LINGO2: variants seen among roughly 807,000 people sequenced by gnomAD.
LINGO2 encodes leucine rich repeat and Ig domain containing 2.
LINGO2 carries 14 observed loss-of-function variants against 30.6 expected under a neutral mutation model. That is an observed-to-expected ratio of 0.46 (90% CI 0.30 to 0.72). The LOEUF is 0.72. Ranked by LOEUF, LINGO2 falls within the 30% of genes least tolerant of loss-of-function variation. The pLI is 0.07. For synonymous variants in LINGO2, 317 were observed against 288.5 expected (o/e 1.10, Z -1.00); for missense variants, 729 against 751.7 (o/e 0.97, Z 0.35).
chr9:28,405,549 A>G (rs1299765890), intron 2 of LINGO2, among the ~76,000 whole-genome samples: 1 of 152,174 alleles, frequency 6.6e-6, no homozygotes, highest in Non-Finnish European at 1.5e-5. Context: ...ATTTACCTCT[A>G]TCACTATTAG....
At chr9:28,922,290 A>G in the LINGO2 span, among the ~76,000 whole-genome samples, 1 of 152,200 alleles carries the variant, frequency 6.6e-6, no homozygotes, top group Non-Finnish European at 1.5e-5. Context: ...CACTTGTGAC[A>G]GAAAGAATTC....
the LINGO2 span, among the ~76,000 whole-genome samples, chr9:28,848,310 GCATATATAGTGTATATATATA>G: frequency 3.8e-5 from 4 of 105,974 alleles, no homozygotes; most frequent in South Asian, 3.0e-4. Flanking sequence ...CTATATATAC[GCATATATAGTGTATATATATA>G]CATATATAGT....
intron 4 of LINGO2, among the ~76,000 whole-genome samples, chr9:28,098,426 A>G (rs1207920972): frequency 1.3e-5 from 2 of 152,182 alleles, no homozygotes; most frequent in Non-Finnish European, 2.9e-5. Context: ...ATAACATGTC[A>G]TATTTCTTTG....
chr9:29,148,745 C>T, the LINGO2 span, among the ~76,000 whole-genome samples: 1 of 152,022 alleles, frequency 6.6e-6, no homozygotes, highest in Admixed American at 6.6e-5. Flanking sequence ...TTGGTTAAAC[C>T]TATTTTTTAT....
chr9:28,694,208 A>G, the LINGO2 span, among the ~76,000 whole-genome samples: 4 of 151,950 alleles, frequency 2.6e-5, no homozygotes, highest in African/African-American at 9.7e-5. Context: ...AGTAGAAATT[A>G]TGATCCCAGT....
At chr9:28,544,590 T>C (rs902160941) in intron 1 of LINGO2, among the ~76,000 whole-genome samples, 74 of 152,120 alleles carry the variant, frequency 4.9e-4, no homozygotes, top group Admixed American at 2.6e-4. Context: ...TTCCCACCCA[T>C]GTTAGTATCT....
intron 4 of LINGO2, among the ~76,000 whole-genome samples, chr9:28,043,610 CAAA>C (rs1345104748): frequency 1.3e-5 from 2 of 152,152 alleles, no homozygotes; most frequent in African/African-American, 2.4e-5. Context: ...TGGAAAGTTT[CAAA>C]CATATACAAA....
chr9:28,867,397 T>C, the LINGO2 span, among the ~76,000 whole-genome samples: 2 of 151,254 alleles, frequency 1.3e-5, no homozygotes, highest in Non-Finnish European at 2.9e-5. Flanking sequence ...AGTCAGGGTA[T>C]AAAAGCAAGT....
intron 4 of LINGO2, among the ~76,000 whole-genome samples, chr9:28,051,673 A>T (rs1824680977): frequency 6.6e-6 from 1 of 152,096 alleles, no homozygotes; most frequent in African/African-American, 2.4e-5. Context: ...CCTAGGATTA[A>T]GCTAGATTCC....
intron 1 of LINGO2, among the ~76,000 whole-genome samples, chr9:28,605,316 A>G (rs1389930687): frequency 2.6e-5 from 4 of 151,690 alleles, no homozygotes; most frequent in Admixed American, 1.3e-4. Flanking sequence ...TAAATCACAT[A>G]TGGGGTTCTC....
the LINGO2 span, among the ~76,000 whole-genome samples, chr9:29,020,883 T>C: frequency 2.6e-5 from 4 of 152,166 alleles, no homozygotes; most frequent in African/African-American, 7.2e-5. Context: ...AGGCTACATA[T>C]AAACTTTAAA....
At chr9:28,083,521 T>G (rs1825829470) in intron 4 of LINGO2, among the ~76,000 whole-genome samples, 1 of 152,194 alleles carries the variant, frequency 6.6e-6, no homozygotes, top group Non-Finnish European at 1.5e-5. Flanking sequence ...TACAGTTTCC[T>G]CTGTGGCACA....
intron 3 of LINGO2, among the ~76,000 whole-genome samples, chr9:28,357,379 A>T (rs1198030924): frequency 2.8e-5 from 4 of 143,302 alleles, no homozygotes; most frequent in Non-Finnish European, 6.1e-5. Context: ...CAATTCTATT[A>T]TATGGTCTAT....
chr9:28,281,512 G>A (rs1823325616), intron 4 of LINGO2, among the ~76,000 whole-genome samples: 1 of 151,804 alleles, frequency 6.6e-6, no homozygotes. Flanking sequence ...GGGATATAAC[G>A]GGACTATTAG....
chr9:29,082,720 C>T, the LINGO2 span, among the ~76,000 whole-genome samples: 2 of 152,056 alleles, frequency 1.3e-5, no homozygotes, highest in South Asian at 4.1e-4. Flanking sequence ...ATAAAGAACT[C>T]AAACAAATTT....
chr9:28,992,591 C>G, the LINGO2 span, among the ~76,000 whole-genome samples: 54 of 152,054 alleles, frequency 3.6e-4, no homozygotes, highest in Non-Finnish European at 7.2e-4. Flanking sequence ...ACACCTATTC[C>G]AAAACTGACC....
chr9:29,152,491 A>G, the LINGO2 span, among the ~76,000 whole-genome samples: 2 of 152,312 alleles, frequency 1.3e-5, no homozygotes, highest in East Asian at 3.9e-4. Context: ...AAAGAACTAA[A>G]TTGTGTCCTC....
At chr9:28,679,055 T>C in the LINGO2 span, among the ~76,000 whole-genome samples, 3 of 152,050 alleles carry the variant, frequency 2.0e-5, 1 homozygote, top group Non-Finnish European at 4.4e-5. Context: ...AGGGAAAATT[T>C]TGATATTGTG....
intron 4 of LINGO2, among the ~76,000 whole-genome samples, chr9:28,206,530 TA>T: frequency 6.6e-6 from 1 of 152,272 alleles, no homozygotes; most frequent in East Asian, 1.9e-4. Flanking sequence ...ATCTAGAGAT[TA>T]AAAATCACCA....
Sources: gnomAD v4.1 joint callset for allele counts (sites outside exome capture counted in the v4.1 genomes callset) on GRCh38, gnomAD v4.1.1 for gene constraint, MANE v1.5 for transcripts, NCBI Gene and HGNC (gene_info 2026-07-23, HGNC 2026-07-21) for gene names.